Variants in KCNH8 observed in about 807,000 individuals in gnomAD.
KCNH8 encodes the protein voltage-gated delayed rectifier potassium channel KCNH8.
In KCNH8, 70 loss-of-function variants were observed where a neutral mutation model predicts 103.6. That is an observed-to-expected ratio of 0.68 (90% confidence interval 0.56 to 0.82). The LOEUF is 0.82. Among genes scored for constraint, KCNH8 ranks in the 40% least tolerant of loss-of-function variants. KCNH8 has a pLI of 0.00. For missense variants in KCNH8, 1,217 were observed against 1,329.9 expected, an observed-to-expected ratio of 0.92 and a Z score of 1.32; for synonymous variants, 498 against 489.4, an observed-to-expected ratio of 1.02 and a Z score of -0.23.
intron 3 of KCNH8, among the ~76,000 whole-genome samples, chr3:19,333,432 C>G (rs1322457877): frequency 6.6e-6 from 1 of 152,112 alleles, no homozygotes; most frequent in East Asian, 1.9e-4. Flanking sequence ...GAATACAAAG[C>G]TGACCAAATG....
At chr3:19,254,029 T>G (rs1201287780) in intron 2 of KCNH8, 142 bp downstream of exon 2, 1 of 628,660 alleles carries the variant, frequency 1.6e-6, no homozygotes, top group Non-Finnish European at 2.8e-6. Flanking sequence ...ACAAATGACT[T>G]GGATGATAGC....
intron 15 of KCNH8, among the ~76,000 whole-genome samples, chr3:19,527,020 G>C (rs1030963957): frequency 7.2e-5 from 11 of 151,822 alleles, no homozygotes; most frequent in Admixed American, 2.6e-4. Context: ...ATTCAATTCT[G>C]ATCAAAACCA....
At chr3:19,431,678 G>A (rs1419088063) in intron 7 of KCNH8, among the ~76,000 whole-genome samples, 1 of 152,018 alleles carries the variant, frequency 6.6e-6, no homozygotes, top group Non-Finnish European at 1.5e-5. Context: ...CAATTTCAAA[G>A]CCAGTTATTC....
intron 15 of KCNH8, among the ~76,000 whole-genome samples, chr3:19,527,712 G>A (rs1370579971): frequency 1.3e-5 from 2 of 152,128 alleles, no homozygotes; most frequent in African/African-American, 4.8e-5. Context: ...GGAAGGATCA[G>A]TGTGTGGATT....
intron 1 of KCNH8, among the ~76,000 whole-genome samples, chr3:19,214,475 T>G (rs79952220): frequency 0.039 from 5,910 of 152,202 alleles, 409 homozygotes; most frequent in African/African-American, 0.13. Context: ...ATGGGCTAGA[T>G]CCAATGACTA....
At chr3:19,233,310 G>T (rs1045174342) in intron 1 of KCNH8, among the ~76,000 whole-genome samples, 5 of 152,006 alleles carry the variant, frequency 3.3e-5, no homozygotes, top group African/African-American at 1.2e-4. Context: ...TGAAACAATT[G>T]GAATAATTAC....
At chr3:19,156,767 A>G (rs2063184638) in intron 1 of KCNH8, among the ~76,000 whole-genome samples, 1 of 152,038 alleles carries the variant, frequency 6.6e-6, no homozygotes, top group Admixed American at 6.6e-5. Context: ...TAGTGATATC[A>G]TTTTGGATAT....
chr3:19,443,682 A>T (rs1368682745), intron 8 of KCNH8, among the ~76,000 whole-genome samples: 1 of 151,940 alleles, frequency 6.6e-6, no homozygotes, highest in Non-Finnish European at 1.5e-5. Context: ...ATAGCTTCAG[A>T]TGAATATCAG....
In KCNH8 at chr3:19,392,318, CA is replaced by C. The variant is rs10662694; in HGVS notation, c.969+1696del. On this transcript the variant is annotated intron_variant, in intron 6 of 15. Coordinates refer to ENST00000328405, the MANE Select transcript of KCNH8 (RefSeq NM_144633.3). ...ACAAGGTATAGGGCAACATCTGTGT[CA>C]AAAAAAAAAAAAAAAGAAAAGAAAA... Among the ~76,000 whole-genome samples the C allele has an allele frequency of 1.0e-3, 125 of 125,390 alleles. 2 individuals carry two copies. The highest frequency in any genetic ancestry group is 1.0e-3 in the Non-Finnish European group (59 of 58,956). 82.3% of individuals were successfully genotyped at this position (125,390 alleles called of 152,430 possible). A position where few individuals can be genotyped will look rare whatever the true frequency, so the allele number is the denominator to read the frequency against.
At chr3:19,207,297 G>A (rs957847187) in intron 1 of KCNH8, among the ~76,000 whole-genome samples, 2 of 151,938 alleles carry the variant, frequency 1.3e-5, no homozygotes, top group Non-Finnish European at 2.9e-5. Context: ...ATATATTTTT[G>A]GAGATAGCAG....
At chr3:19,487,905 G>A (rs2068243112) in intron 11 of KCNH8, among the ~76,000 whole-genome samples, 1 of 152,164 alleles carries the variant, frequency 6.6e-6, no homozygotes, top group African/African-American at 2.4e-5. Context: ...CAGAAAGCCT[G>A]CTTAGTGGAA....
intron 1 of KCNH8, among the ~76,000 whole-genome samples, chr3:19,221,063 C>T (rs981801977): frequency 2.6e-5 from 4 of 152,156 alleles, no homozygotes; most frequent in Non-Finnish European, 4.4e-5. Flanking sequence ...TTTCCTTCTG[C>T]CACACTTATC....
intron 2 of KCNH8, among the ~76,000 whole-genome samples, chr3:19,260,513 T>TATATATAC (rs1396086073): frequency 7.7e-6 from 1 of 129,920 alleles, no homozygotes; most frequent in East Asian, 2.5e-4. Flanking sequence ...TATATATATA[T>TATATATAC]ATATATATAT....
chr3:19,336,124 T>C (rs1397967485), intron 3 of KCNH8, among the ~76,000 whole-genome samples: 2 of 151,730 alleles, frequency 1.3e-5, no homozygotes, highest in Non-Finnish European at 3.0e-5. Context: ...ATATATAGTT[T>C]GTTTCATGTA....
chr3:19,205,060 C>T (rs997503531), intron 1 of KCNH8, among the ~76,000 whole-genome samples: 1 of 151,964 alleles, frequency 6.6e-6, no homozygotes, highest in Non-Finnish European at 1.5e-5. Context: ...TGTCTATTCG[C>T]TCATTCATCC....
intron 3 of KCNH8, among the ~76,000 whole-genome samples, chr3:19,321,149 T>C (rs2065345158): frequency 6.6e-6 from 1 of 152,022 alleles, no homozygotes; most frequent in African/African-American, 2.4e-5. Context: ...TTGGTTCATT[T>C]ATTTTTTGTA....
At position 19,533,518 on chromosome 3, in the gene KCNH8, G is replaced by C; in HGVS notation, c.2743G>C (p.Val915Leu). 1.2e-6 allele frequency: 2 copies of C among 1,614,166 alleles called. No homozygotes were observed. The highest frequency in any genetic ancestry group is 1.7e-6 in the Non-Finnish European group (2 of 1,180,036). ...SRFCSLHSTSVCPSRESLQTR... is the reference protein window; with the variant it reads ...SRFCSLHSTSLCPSRESLQTR... Reference sequence around the variant, plus strand: ...GTTTTGCTCTTTGCACAGCACCTCTGTGTGTCCCTCCAGGGAGAGCTTACA... The same window carrying C: ...GTTTTGCTCTTTGCACAGCACCTCTCTGTGTCCCTCCAGGGAGAGCTTACA... Residue 915 changes from valine (V) to leucine (L), a missense_variant, in exon 16 of 16, where the codon GTG becomes CTG. Physicochemically the swap from Val to Leu is conservative, Grantham distance 32 (BLOSUM62 1). Around this residue, in one of 3 missense-constraint regions of KCNH8, gnomAD observed 558 missense variants for 495.8 expected, o/e 1.13. Coordinates refer to ENST00000328405, the MANE Select transcript of KCNH8 (RefSeq NM_144633.3).
At chr3:19,493,818 T>C (rs2068377700) in intron 11 of KCNH8, among the ~76,000 whole-genome samples, 1 of 152,198 alleles carries the variant, frequency 6.6e-6, no homozygotes, top group Non-Finnish European at 1.5e-5. Flanking sequence ...CAAATTACAT[T>C]AGTACATGAT....
chr3:19,466,281 G>C (rs1309283265), intron 11 of KCNH8, among the ~76,000 whole-genome samples: 1 of 152,102 alleles, frequency 6.6e-6, no homozygotes, highest in Non-Finnish European at 1.5e-5. Flanking sequence ...ATCTACTCAT[G>C]GTGAAGATGT....
Sources: gnomAD v4.1 joint callset for allele counts (sites outside exome capture counted in the v4.1 genomes callset) on GRCh38, gnomAD v4.1.1 for gene constraint, gnomAD v4.1.1 regional missense constraint, MANE v1.5 for transcripts, NCBI Gene and HGNC (gene_info 2026-07-23, HGNC 2026-07-21) for gene names.